CNTN5: variants seen among roughly 807,000 people sequenced by gnomAD.
CNTN5 encodes the protein contactin-5.
CNTN5 carries 77 observed loss-of-function variants against 129.1 expected under a neutral mutation model. The observed-to-expected ratio is 0.60, with a 90% CI of 0.50 to 0.72. CNTN5 has a LOEUF of 0.72. CNTN5 is among the 30% of genes least tolerant of loss of function. The pLI, the probability that CNTN5 is intolerant of heterozygous loss-of-function variation, is 0.00. For missense variants in CNTN5, 1,478 were observed against 1,328.8 expected, an observed-to-expected ratio of 1.11 and a Z score of -1.75; for synonymous variants, 509 against 465.6, an observed-to-expected ratio of 1.09 and a Z score of -1.20.
At position 100,126,277 on chromosome 11, in the gene CNTN5, G is replaced by C. The variant is rs140685398; in HGVS notation, c.1580+51983G>C. 8.8e-3 allele frequency among the ~76,000 whole-genome samples: 1,337 copies of C among 152,228 alleles called. 6 individuals carry two copies. Among genetic ancestry groups the C allele is most frequent in the Middle Eastern group, 0.017 (5 of 294 alleles). On this transcript the variant is annotated intron_variant, in intron 13 of 24. Transcript: ENST00000524871. ...AAGAATTTATATTGTGATGTTGATAGATGGAGTATTCTGTAGATGTCTACT... is the reference window on the plus strand; with the variant it reads ...AAGAATTTATATTGTGATGTTGATACATGGAGTATTCTGTAGATGTCTACT...
chr11:99,781,618 C>T (rs959471986), intron 3 of CNTN5, among the ~76,000 whole-genome samples: 21 of 151,958 alleles, frequency 1.4e-4, no homozygotes, highest in African/African-American at 4.8e-5. Context: ...TGAGTTGGAA[C>T]GCTGACCATA....
At chr11:99,113,938 G>A (rs898291782) in intron 1 of CNTN5, among the ~76,000 whole-genome samples, 7 of 152,030 alleles carry the variant, frequency 4.6e-5, no homozygotes, top group African/African-American at 7.2e-5. Context: ...ATTATATCCT[G>A]AGACTCCTAA....
chr11:100,173,441 C>CTGTT (rs557824269), intron 13 of CNTN5, among the ~76,000 whole-genome samples: 3 of 152,070 alleles, frequency 2.0e-5, no homozygotes, highest in Non-Finnish European at 4.4e-5. Context: ...GCTCTTGGCC[C>CTGTT]TGTTTGGACA....
intron 18 of CNTN5, among the ~76,000 whole-genome samples, chr11:100,276,126 T>G: frequency 6.6e-6 from 1 of 152,238 alleles, no homozygotes; most frequent in Admixed American, 6.5e-5. Flanking sequence ...TAGAATATTC[T>G]AAATTCCAAA....
intron 6 of CNTN5, among the ~76,000 whole-genome samples, chr11:99,888,384 G>A (rs571909832): frequency 6.6e-6 from 1 of 152,124 alleles, no homozygotes; most frequent in African/African-American, 2.4e-5. Flanking sequence ...AATACTACTT[G>A]ACAAAGTTGA....
chr11:99,098,284 A>G (rs896097290), intron 1 of CNTN5, among the ~76,000 whole-genome samples: 1 of 152,108 alleles, frequency 6.6e-6, no homozygotes, highest in African/African-American at 2.4e-5. Context: ...TCCATCAGGC[A>G]TATGGTATTA....
chr11:99,288,012 T>A (rs1472115040), intron 1 of CNTN5, among the ~76,000 whole-genome samples: 1 of 151,954 alleles, frequency 6.6e-6, no homozygotes, highest in Non-Finnish European at 1.5e-5. Flanking sequence ...CTCTTCACTT[T>A]GGTATGTTCA....
chr11:99,913,702 G>A lies in CNTN5; in HGVS notation c.578-2352G>A, dbSNP rs571721610. The stretch of plus-strand genomic sequence containing the variant: ...TTTGTGTGTTTAATTTCTAGGGCAT[G>A]CCTGTACTTCAATTCCTCAGAAATA... On this transcript the variant is annotated intron_variant, in intron 6 of 24. Transcript: ENST00000524871. Among the ~76,000 whole-genome samples, 4 of 152,124 alleles carry A rather than the reference G, an allele frequency of 2.6e-5. No individual in the cohort carries two copies. The South Asian group carries it at 6.2e-4, about 24-fold the overall frequency.
At chr11:99,055,148 A>C (rs975893061) in intron 1 of CNTN5, among the ~76,000 whole-genome samples, 2 of 151,998 alleles carry the variant, frequency 1.3e-5, no homozygotes, top group Admixed American at 6.6e-5. Context: ...AGGGCTACTG[A>C]TAAAACATAG....
At chr11:99,949,375 C>T (rs531225350) in intron 7 of CNTN5, among the ~76,000 whole-genome samples, 1 of 152,200 alleles carries the variant, frequency 6.6e-6, no homozygotes, top group South Asian at 2.1e-4. Context: ...TTTTTTTAAG[C>T]TAACATTTTC....
intron 4 of CNTN5, among the ~76,000 whole-genome samples, chr11:99,823,394 G>A (rs1176426014): frequency 6.6e-6 from 1 of 151,764 alleles, no homozygotes; most frequent in Non-Finnish European, 1.5e-5. Context: ...CCTACATTCA[G>A]CCCAGATTTG....
At chr11:99,465,640 T>TA (rs1394899492) in intron 2 of CNTN5, among the ~76,000 whole-genome samples, 1 of 151,278 alleles carries the variant, frequency 6.6e-6, no homozygotes, top group Non-Finnish European at 1.5e-5. Flanking sequence ...AAATTAATTT[T>TA]TTTTAGATAA....
intron 9 of CNTN5, among the ~76,000 whole-genome samples, chr11:100,025,080 T>C (rs546519489): frequency 8.5e-5 from 13 of 152,282 alleles, no homozygotes; most frequent in African/African-American, 3.1e-4. Context: ...CTGCAACCCT[T>C]CCCATCTAAG....
At chr11:99,666,387 A>T (rs1242645285) in intron 3 of CNTN5, among the ~76,000 whole-genome samples, 1 of 152,194 alleles carries the variant, frequency 6.6e-6, no homozygotes, top group Non-Finnish European at 1.5e-5. Flanking sequence ...GCTGGAGAGT[A>T]GGCTGGAGAC....
intron 3 of CNTN5, among the ~76,000 whole-genome samples, chr11:99,645,133 T>G (rs10790865): frequency 0.97 from 145,584 of 149,640 alleles, 70,946 homozygotes; most frequent in East Asian, 1. Context: ...GATGCTGGGT[T>G]CCTGTAGTCC....
intron 1 of CNTN5, among the ~76,000 whole-genome samples, chr11:99,166,572 CAT>C (rs1410954943): frequency 6.6e-6 from 1 of 152,006 alleles, no homozygotes; most frequent in Non-Finnish European, 1.5e-5. Flanking sequence ...ACCTGAATGA[CAT>C]AGAATAATGC....
intron 3 of CNTN5, among the ~76,000 whole-genome samples, chr11:99,601,129 T>A (rs1464396631): frequency 6.6e-6 from 1 of 152,258 alleles, no homozygotes; most frequent in South Asian, 2.1e-4. Context: ...AAGTATTTGT[T>A]AAATAAATTT....
At chr11:99,032,594 A>G (rs1228315797) in intron 1 of CNTN5, among the ~76,000 whole-genome samples, 5 of 151,974 alleles carry the variant, frequency 3.3e-5, no homozygotes, top group Non-Finnish European at 5.9e-5. Flanking sequence ...CATGTCCTTC[A>G]CCCACTTTTT....
intron 1 of CNTN5, among the ~76,000 whole-genome samples, chr11:99,216,703 C>G (rs548051094): frequency 6.6e-6 from 1 of 152,070 alleles, no homozygotes; most frequent in Admixed American, 6.5e-5. Context: ...GGAAACACTC[C>G]AGGACATTGG....
Sources: gnomAD v4.1 joint callset for allele counts (sites outside exome capture counted in the v4.1 genomes callset) on GRCh38, gnomAD v4.1.1 for gene constraint, MANE v1.5 for transcripts, NCBI Gene and HGNC (gene_info 2026-07-23, HGNC 2026-07-21) for gene names.